LARP1: variants seen among roughly 807,000 people sequenced by gnomAD.
The protein encoded by LARP1 is La ribonucleoprotein 1, translational regulator.
A neutral mutation model predicts 122.7 loss-of-function variants in LARP1; 36 were observed. That is an observed-to-expected ratio of 0.29 (90% confidence interval 0.22 to 0.39). LARP1 has a LOEUF of 0.39. Among genes scored for constraint, LARP1 ranks in the 10% least tolerant of loss-of-function variants. LARP1 has a pLI of 1.00. For missense variants in LARP1, 1,040 were observed against 1,403.6 expected, an observed-to-expected ratio of 0.74 and a Z score of 4.14; for synonymous variants, 539 against 528.7, an observed-to-expected ratio of 1.02 and a Z score of -0.27.
At chr5:154,784,220 C>T (rs1039032811) in intron 1 of LARP1, among the ~76,000 whole-genome samples, 3 of 152,200 alleles carry the variant, frequency 2.0e-5, no homozygotes, top group Non-Finnish European at 2.9e-5. Context: ...CTGAGCTAGA[C>T]ACTGGGGTAC....
chr5:154,787,350 T>C lies in LARP1; in HGVS notation c.437-2975T>C, dbSNP rs901779918. 7.2e-5 allele frequency among the ~76,000 whole-genome samples: 11 copies of C among 152,316 alleles called. No individual in the cohort carries two copies. In the East Asian group the frequency reaches 1.7e-3, roughly 24 times the overall value. ...TGCCTGTGCAAAGGATTGGTTTGCA[T>C]TGGCGGCCATTACAGATGCCAGGCC... On this transcript the variant is annotated intron_variant, in intron 1 of 18. Coordinates refer to ENST00000518297, the MANE Select transcript of LARP1 (RefSeq NM_033551.3).
At position 154,799,901 on chromosome 5, in the gene LARP1, C is replaced by T. The variant is rs368762326; in HGVS notation, c.1575C>T (p.Val525=). The T allele has an allele frequency of 3.6e-5, 58 of 1,613,952 alleles. No individual in the cohort carries two copies. Among genetic ancestry groups the T allele is most frequent in the Non-Finnish European group, 4.4e-5 (52 of 1,179,996 alleles). The change falls in exon 10 of 19, where the codon GTC becomes GTT. Residue 525 remains valine, a synonymous_variant. Transcript: ENST00000518297. The part of the protein sequence containing the change: ...TESAPGSPRA[V]TPVPTKTEEV... ...CGGCACCTGGCTCTCCTCGTGCAGT[C>T]ACCCCAGTGCCAACCAAAACAGAGG...
At chr5:154,739,408 T>C (rs978746780) in intron 1 of LARP1, among the ~76,000 whole-genome samples, 18 of 152,214 alleles carry the variant, frequency 1.2e-4, no homozygotes, top group Admixed American at 1.2e-3. Context: ...TTTAGCTATT[T>C]TTGTTGTGTG....
intron 1 of LARP1, among the ~76,000 whole-genome samples, chr5:154,761,886 C>T (rs189014211): frequency 5.7e-4 from 87 of 152,250 alleles, no homozygotes; most frequent in Admixed American, 1.0e-3. Context: ...GGGCTAATCC[C>T]GGTGCTGAGG....
At chr5:154,758,546 C>T (rs1754188992) in intron 1 of LARP1, among the ~76,000 whole-genome samples, 1 of 152,190 alleles carries the variant, frequency 6.6e-6, no homozygotes, top group Non-Finnish European at 1.5e-5. Flanking sequence ...ATGACCCTTT[C>T]TCTGGAGCCT....
intron 15 of LARP1, among the ~76,000 whole-genome samples, chr5:154,806,731 A>G (rs925862236): frequency 1.3e-5 from 2 of 152,194 alleles, no homozygotes; most frequent in African/African-American, 4.8e-5. Flanking sequence ...CTTTCATTCA[A>G]CAAAACGTGG....
rs116443797 is a variant in LARP1 at position 154,721,196 on chromosome 5, G to A, written c.205+8066G>A. On this transcript the variant is annotated intron_variant, in intron 1 of 18. Transcript: ENST00000336314. ...CGTCTCTAAAAATATATATTTTATAGATTAGCCCGGCATGGTGGTGCACGT... is the reference window on the plus strand; with the variant it reads ...CGTCTCTAAAAATATATATTTTATAAATTAGCCCGGCATGGTGGTGCACGT... Among the ~76,000 whole-genome samples, 601 of 151,916 alleles carry A rather than the reference G, an allele frequency of 4.0e-3. 3 individuals are homozygous for A. The highest frequency in any genetic ancestry group is 0.014 in the African/African-American group (560 of 41,466).
chr5:154,732,313 T>G (rs1170014365), intron 1 of LARP1, among the ~76,000 whole-genome samples: 1 of 152,196 alleles, frequency 6.6e-6, no homozygotes. Context: ...TAACGTGGCC[T>G]TTGTATTACC....
chr5:154,805,552 T>C (rs1472042819), intron 14 of LARP1, among the ~76,000 whole-genome samples: 3 of 152,226 alleles, frequency 2.0e-5, no homozygotes, highest in Non-Finnish European at 2.9e-5. Flanking sequence ...CCATGATGGC[T>C]CATTAAAAGG....
At chr5:154,783,733 T>G (rs1582399754) in intron 1 of LARP1, among the ~76,000 whole-genome samples, 1 of 152,202 alleles carries the variant, frequency 6.6e-6, no homozygotes, top group East Asian at 1.9e-4. Flanking sequence ...GCCCAGAGTT[T>G]AGAACAGTGT....
intron 16 of LARP1, among the ~76,000 whole-genome samples, chr5:154,809,501 T>C (rs1199114981): frequency 6.6e-6 from 1 of 152,074 alleles, no homozygotes; most frequent in Non-Finnish European, 1.5e-5. Context: ...GCATATTTAA[T>C]GTATTTAGCT....
chr5:154,737,216 T>C (rs2113438179), intron 1 of LARP1, among the ~76,000 whole-genome samples: 1 of 151,914 alleles, frequency 6.6e-6, no homozygotes, highest in Middle Eastern at 3.4e-3. Context: ...AATTTTTGTA[T>C]TTTTAGTAGA....
chr5:154,810,953 A>C (rs1440700770), intron 16 of LARP1, among the ~76,000 whole-genome samples: 1 of 152,212 alleles, frequency 6.6e-6, no homozygotes, highest in African/African-American at 2.4e-5. Flanking sequence ...TGTCGTAATT[A>C]CTCAACTCCG....
chr5:154,793,533 T>G (rs1441618056), intron 4 of LARP1, 62 bp from the exon 5 acceptor site: 22 of 1,608,162 alleles, frequency 1.4e-5, no homozygotes, highest in Non-Finnish European at 1.9e-5. Context: ...AGGAGTTGGG[T>G]AGAGCTGGCT....
intron 1 of LARP1, among the ~76,000 whole-genome samples, chr5:154,766,386 T>C (rs942420292): frequency 2.0e-5 from 3 of 152,212 alleles, no homozygotes; most frequent in Non-Finnish European, 4.4e-5. Context: ...GATTACAAAA[T>C]GGAGCAAATT....
rs1214987814 is a variant in LARP1, at chr5:154,793,565, C to G, written c.740-30C>G. 3 of 1,613,972 alleles carry G rather than the reference C, an allele frequency of 1.9e-6. No individual in the cohort carries two copies. The South Asian group carries it at 3.3e-5, about 18-fold the overall frequency. On this transcript the variant is annotated intron_variant, in intron 4 of 18. Transcript: ENST00000518297. ...GGCTAGGAGTGGCCTCTCCCTCAAG[C>G]CTTTCTCATGTACCCATGCTGTCTC...
chr5:154,745,718 G>A (rs1753151001), intron 1 of LARP1, among the ~76,000 whole-genome samples: 1 of 151,782 alleles, frequency 6.6e-6, no homozygotes, highest in Non-Finnish European at 1.5e-5. Context: ...TGGAGACACT[G>A]AAACTCAGAG....
In LARP1 at chr5:154,811,341, A is replaced by C; in HGVS notation, c.2938A>C (p.Lys980Gln). 6.2e-7 allele frequency: 1 copy of C among 1,614,134 alleles called. No homozygotes were observed. Among genetic ancestry groups the C allele is most frequent in the Non-Finnish European group, 8.5e-7 (1 of 1,179,986 alleles). ...CAAGGATTTTCAGGAGGAAACGGTG[A>C]AGGACTATGAAGCTGGTAAGAGCCA... ...IFKDFQEETV[K>Q]DYEAGQLYGL... Residue 980 changes from lysine (K) to glutamine (Q), a missense_variant, in exon 17 of 19, where the codon AAG (lysine) becomes CAG (glutamine). Around this residue, in one of 8 missense-constraint regions of LARP1, gnomAD observed 129 missense variants for 160.8 expected, o/e 0.80. Coordinates refer to ENST00000518297, the MANE Select transcript of LARP1 (RefSeq NM_033551.3).
intron 1 of LARP1, among the ~76,000 whole-genome samples, chr5:154,745,567 C>T (rs143993643): frequency 3.9e-4 from 60 of 152,328 alleles, no homozygotes; most frequent in African/African-American, 1.4e-3. Flanking sequence ...CAGAGAGACA[C>T]AGAGGAATTT....
Sources: allele counts gnomAD v4.1 joint callset (sites outside exome capture counted in the v4.1 genomes callset), GRCh38; gene constraint gnomAD v4.1.1; regional missense constraint gnomAD v4.1.1; transcripts MANE v1.5; gene names NCBI Gene and HGNC (gene_info 2026-07-23, HGNC 2026-07-21).